LOXL3: variants seen among roughly 807,000 people sequenced by gnomAD.
LOXL3 encodes lysyl oxidase like 3, also known as lysyl oxidase homolog 3.
Under a neutral mutation model 91.8 loss-of-function variants are expected in LOXL3, and 60 were observed. The observed-to-expected ratio is 0.65, with a 90% confidence interval of 0.53 to 0.81. The LOEUF (loss-of-function observed/expected upper bound fraction) is 0.81. Among genes scored for constraint, LOXL3 ranks in the 30% least tolerant of loss-of-function variants. The pLI is 0.00. For synonymous variants in LOXL3, 355 were observed against 387.6 expected (o/e 0.92, Z 0.99); for missense variants, 874 against 1,000.4 (o/e 0.87, Z 1.70).
chr2:74,553,310 C>T (rs1438064429), intron 1 of LOXL3, among the ~76,000 whole-genome samples: 1 of 152,180 alleles, frequency 6.6e-6, no homozygotes, highest in Non-Finnish European at 1.5e-5. Flanking sequence ...GGAAGGCTGG[C>T]ACCAAAGCTC....
At chr2:74,547,207 CAG>C (rs1175068371) in intron 4 of LOXL3, among the ~76,000 whole-genome samples, 1 of 151,684 alleles carries the variant, frequency 6.6e-6, no homozygotes, top group Non-Finnish European at 1.5e-5. Context: ...TCTGTAGAGA[CAG>C]GGTCTCATTA....
In LOXL3 at chr2:74,549,615, C is replaced by G; in HGVS notation, c.478-32G>C. 6.3e-7 allele frequency: 1 copy of G among 1,582,494 alleles called. No individual in the cohort carries two copies. Among genetic ancestry groups the G allele is most frequent in the East Asian group, 2.3e-5 (1 of 44,158 alleles). Reference sequence around the variant, plus strand: ...GCGGGGCCACAAGCAGGGAAAGAATCCCAGTGGCACCTTTCATGTGTCCCG... The same window carrying G: ...GCGGGGCCACAAGCAGGGAAAGAATGCCAGTGGCACCTTTCATGTGTCCCG... On this transcript the variant is annotated intron_variant, in intron 3 of 13. Coordinates refer to ENST00000264094, the MANE Select transcript of LOXL3 (RefSeq NM_032603.5). The surrounding 1 kb of genome is among the most constrained non-coding windows in gnomAD (Gnocchi z 5.3).
In LOXL3 at chr2:74,550,338, C is replaced by A; in HGVS notation, c.324G>T (p.Trp108Cys). 1 of 1,613,148 alleles carries A rather than the reference C, an allele frequency of 6.2e-7. No individual in the cohort carries two copies. Among genetic ancestry groups the A allele is most frequent in the Non-Finnish European group, 8.5e-7 (1 of 1,179,490 alleles). Residue 108 changes from tryptophan (W) to cysteine (C), a missense_variant, in exon 3 of 14, where the codon TGG becomes TGT. Coordinates refer to ENST00000264094, the MANE Select transcript of LOXL3 (RefSeq NM_032603.5). ...TCCCACTGCAGCTCAAGTTGTCCAG[C>A]CAGATGCGGCCTGTGGAAGGGGAGA... is the stretch of plus-strand genomic sequence containing the variant. The part of the protein sequence containing the change: ...AKYGPGTGRI[W>C]LDNLSCSGTE...
chr2:74,532,919 G>C lies in LOXL3; in HGVS notation c.*687C>G. The stretch of plus-strand genomic sequence containing the variant: ...AAGCTGTTCGAACCCAATCCCAGTT[G>C]GCAGTGCAGATCCGGCGGGGACGAG... On this transcript the variant is annotated 3_prime_UTR_variant, in exon 14 of 14. Coordinates refer to ENST00000264094, the MANE Select transcript of LOXL3 (RefSeq NM_032603.5). 1 of 1,614,098 alleles carries C rather than the reference G, an allele frequency of 6.2e-7. No homozygotes were observed. The highest frequency in any genetic ancestry group is 8.5e-7 in the Non-Finnish European group (1 of 1,180,012).
chr2:74,534,266 G>A (rs1232927053), intron 11 of LOXL3, 30 bp from the exon 12 acceptor site: 2 of 1,614,062 alleles, frequency 1.2e-6, no homozygotes, highest in African/African-American at 1.3e-5. Flanking sequence ...TCAGTGTAAG[G>A]AAAGGCTGTG....
chr2:74,539,062 C>A (rs1040584154), intron 4 of LOXL3, among the ~76,000 whole-genome samples: 3 of 152,170 alleles, frequency 2.0e-5, no homozygotes, highest in Non-Finnish European at 4.4e-5. Flanking sequence ...TGGCCACAGC[C>A]GAGTAACTCC....
At position 74,536,678 on chromosome 2, in the gene LOXL3, T is replaced by A. The variant is rs139301764; in HGVS notation, c.912+31A>T. On this transcript the variant is annotated intron_variant, in intron 5 of 13. Transcript: ENST00000264094. This position sits in a 1 kb window ranked among gnomAD's most constrained non-coding sequence, Gnocchi z 4.5. ...CAGGCTAGGGGTTCTCCACCTGGGG[T>A]GGGAAAGGTCATAATCACTGTCTCA... 1.7e-5 allele frequency: 27 copies of A among 1,603,674 alleles called. No individual in the cohort carries two copies. Among genetic ancestry groups the A allele is most frequent in the Non-Finnish European group, 2.1e-5 (25 of 1,171,616 alleles).
rs745944878 is a variant in LOXL3 at position 74,534,337 on chromosome 2, C to A, written c.1918G>T (p.Glu640Ter). 6.2e-7 allele frequency: 1 copy of A among 1,614,186 alleles called. No homozygotes were observed. The highest frequency in any genetic ancestry group is 1.7e-5 in the Admixed American group (1 of 60,032). ...TCACCCTCCTGACACTCAGTGTCTT[C>A]GAGACAGAAACTAGCTTTGTGGCCC... Reference protein sequence around the residue: ...AEGHKASFCLEDTECQEDVSK... With the variant: ...AEGHKASFCL Residue 640 changes from glutamate (E) to a stop codon, truncating the protein, a stop_gained, in exon 11 of 14, where the codon GAA becomes TAA. Transcript: ENST00000264094. LOFTEE classifies it high-confidence loss of function.
In LOXL3 at chr2:74,534,140, A is replaced by G. The variant is rs758822068; in HGVS notation, c.2036T>C (p.Ile679Thr). ...TCCTGGCTTCACATCCGTGATGTCAATCCACTGACAGTCAATGTCATGCCG... is the reference window on the plus strand; with the variant it reads ...TCCTGGCTTCACATCCGTGATGTCAGTCCACTGACAGTCAATGTCATGCCG... ...LYRHDIDCQW[I>T]DITDVKPGNY... is the part of the protein sequence containing the mutation. Residue 679 changes from isoleucine (I) to threonine (T), a missense_variant, in exon 12 of 14, where the codon ATT (isoleucine) becomes ACT (threonine). Coordinates refer to ENST00000264094, the MANE Select transcript of LOXL3 (RefSeq NM_032603.5). The G allele has an allele frequency of 1.9e-6, 3 of 1,614,232 alleles. No individual in the cohort carries two copies. The highest frequency in any genetic ancestry group is 1.7e-5 in the Admixed American group (1 of 60,028).
chr2:74,541,126 C>T (rs949920595), intron 4 of LOXL3, among the ~76,000 whole-genome samples: 1 of 152,152 alleles, frequency 6.6e-6, no homozygotes, highest in Non-Finnish European at 1.5e-5. Flanking sequence ...GTCATTATTC[C>T]CTAAGCAATA....
At position 74,534,722 on chromosome 2, in the gene LOXL3, G is replaced by A. The variant is rs374923362; in HGVS notation, c.1632C>T (p.Ile544=). The A allele has an allele frequency of 6.1e-5, 98 of 1,614,046 alleles. No homozygotes were observed. The highest frequency in any genetic ancestry group is 4.9e-4 in the African/African-American group (37 of 74,918). ...ACAACATATGCAGGGGCCGGTCTTCGATGTAGGCGGTCTCCTGCACCAGTG... is the reference window on the plus strand; with the variant it reads ...ACAACATATGCAGGGGCCGGTCTTCAATGTAGGCGGTCTCCTGCACCAGTG... ...HSALVQETAY[I]EDRPLHMLYC... is the part of the protein sequence containing the mutation. Residue 544 remains isoleucine (I), a synonymous_variant, in exon 10 of 14, where the codon ATC becomes ATT. Transcript: ENST00000264094.
intron 4 of LOXL3, among the ~76,000 whole-genome samples, chr2:74,543,923 A>G (rs908498540): frequency 2.0e-5 from 3 of 149,476 alleles, no homozygotes; most frequent in South Asian, 2.1e-4. Context: ...AAAAAAAAAA[A>G]GAAAAGAAAA....
intron 4 of LOXL3, among the ~76,000 whole-genome samples, chr2:74,540,532 A>G (rs1676266852): frequency 6.6e-6 from 1 of 152,148 alleles, no homozygotes; most frequent in South Asian, 2.1e-4. Context: ...ACTTGGTTTG[A>G]CTGGGGAACA....
At chr2:74,551,455 C>T (rs1458798193) in intron 2 of LOXL3, among the ~76,000 whole-genome samples, 1 of 152,212 alleles carries the variant, frequency 6.6e-6, no homozygotes, top group Non-Finnish European at 1.5e-5. Flanking sequence ...TCCTTTGGTG[C>T]CAACCAGAAA....
chr2:74,554,995 TG>T (rs1256855349), upstream of LOXL3: 7 of 1,376,772 alleles, frequency 5.1e-6, no homozygotes, highest in Non-Finnish European at 7.0e-6. The surrounding 1 kb of genome is among the most constrained non-coding windows in gnomAD (Gnocchi z 4.9). Flanking sequence ...GTTCTGGTCC[TG>T]GGGAGACGGA....
At chr2:74,540,957 C>T (rs1206263350) in intron 4 of LOXL3, among the ~76,000 whole-genome samples, 1 of 152,188 alleles carries the variant, frequency 6.6e-6, no homozygotes, top group Non-Finnish European at 1.5e-5. Context: ...AGCCACTGAG[C>T]CCAGCCTTAG....
In LOXL3 at chr2:74,533,867, C is replaced by G. The variant is rs750613515; in HGVS notation, c.2188+15G>C. The G allele has an allele frequency of 6.2e-7, 1 of 1,600,984 alleles. No homozygotes were observed. The highest frequency in any genetic ancestry group is 8.6e-7 in the Non-Finnish European group (1 of 1,168,638). The stretch of plus-strand genomic sequence containing the variant: ...CATCCCCTAATCTTCCTGGGTTGCT[C>G]TTCCCATCAAATACCAATGTGGCAG... On this transcript the variant is annotated intron_variant, in intron 13 of 13. Transcript: ENST00000264094.
upstream of LOXL3, chr2:74,555,531 C>A: frequency 6.2e-7 from 1 of 1,613,592 alleles, no homozygotes; most frequent in Non-Finnish European, 8.5e-7. The surrounding 1 kb of genome is among the most constrained non-coding windows in gnomAD (Gnocchi z 6.1). Context: ...GACCCCCGCT[C>A]CCCGCTGAGG....
chr2:74,536,533 G>T lies in LOXL3; in HGVS notation c.913-62C>A. The T allele has an allele frequency of 1.3e-6, 2 of 1,539,428 alleles. No homozygotes were observed. Among genetic ancestry groups the T allele is most frequent in the South Asian group, 1.2e-5 (1 of 84,098 alleles). ...CAACATCTGCACGGAGGGCTAAGCAGACCTGGGAGATGAGTGAGACTTTGG... is the reference window on the plus strand; with the variant it reads ...CAACATCTGCACGGAGGGCTAAGCATACCTGGGAGATGAGTGAGACTTTGG... On this transcript the variant is annotated intron_variant, in intron 5 of 13. Coordinates refer to ENST00000264094, the MANE Select transcript of LOXL3 (RefSeq NM_032603.5). This position sits in a 1 kb window ranked among gnomAD's most constrained non-coding sequence, Gnocchi z 4.5.
Sources: gnomAD v4.1 joint callset for allele counts (sites outside exome capture counted in the v4.1 genomes callset) on GRCh38, gnomAD v4.1.1 for gene constraint, Gnocchi (gnomAD v3.1) non-coding constraint, MANE v1.5 for transcripts, NCBI Gene and HGNC (gene_info 2026-07-23, HGNC 2026-07-21) for gene names.